DSEL: variants seen among roughly 807,000 people sequenced by gnomAD.
DSEL encodes the protein dermatan-sulfate epimerase-like protein.
A neutral mutation model predicts 96.6 loss-of-function variants in DSEL; 61 were observed. That is an observed-to-expected ratio of 0.63 (90% CI 0.51 to 0.78). DSEL has a LOEUF of 0.78. Ranked by LOEUF, DSEL falls within the 30% of genes least tolerant of loss-of-function variation. The pLI is 0.00. For synonymous variants in DSEL, 514 were observed against 502.0 expected (o/e 1.02, Z -0.32); for missense variants, 1,320 against 1,430.8 (o/e 0.92, Z 1.25).
At position 67,513,314 on chromosome 18, in the gene DSEL, A is replaced by G. The variant is rs768445147; in HGVS notation, c.1295T>C (p.Phe432Ser). The part of the protein sequence containing the change: ...AGLPNTQTNT[F>S]VSFKSGKLGG... ...CAGCTTCCCAGATTTAAAAGACACA[A>G]AGGTGTTGGTCTGTGTGTTTGGCAA... Residue 432 changes from phenylalanine to serine, a missense_variant, in exon 2 of 2, where the codon TTT (phenylalanine) becomes TCT (serine). This residue lies in a region of DSEL where 986 missense variants were observed against 1,066.4 expected (regional missense o/e 0.92). Coordinates refer to ENST00000310045, the MANE Select transcript of DSEL (RefSeq NM_032160.3). 1.2e-6 allele frequency: 2 copies of G among 1,614,192 alleles called. No homozygotes were observed. Among genetic ancestry groups the G allele is most frequent in the Non-Finnish European group, 1.7e-6 (2 of 1,180,036 alleles).
rs549504697 is a variant in DSEL at position 67,506,800 on chromosome 18, C to G, written c.*4170G>C. On this transcript the variant is annotated 3_prime_UTR_variant, in exon 2 of 2. Coordinates refer to ENST00000310045, the MANE Select transcript of DSEL (RefSeq NM_032160.3). ...ATTAAACATGTATGTGTTACTTAGA[C>G]TAAATATAAATAACCCATATAAATG... 3 of 152,176 alleles carry G rather than the reference C, an allele frequency of 2.0e-5. No homozygotes were observed. In the South Asian group the frequency reaches 6.2e-4, roughly 32 times the overall value. The allele number at this position is 152,176 out of a possible 1,614,324, so 9.4% of individuals were successfully genotyped here.
rs2089456316 is a variant in DSEL, at chr18:67,513,456, G to A, written c.1153C>T (p.Leu385Phe). ...TCATACCAGATGTATTCAGTGTGAA[G>A]AGTACTCCACCTTTGGGCAGTTGAA... ...VPSTAQRWST[L>F]HTEYIWYDPQ... The change falls in exon 2 of 2, where the codon CTT becomes TTT. Residue 385 changes from leucine to phenylalanine, a missense_variant. Physicochemically the swap from Leu to Phe is conservative, Grantham distance 22. Coordinates refer to ENST00000310045, the MANE Select transcript of DSEL (RefSeq NM_032160.3). 1 of 1,614,164 alleles carries A rather than the reference G, an allele frequency of 6.2e-7. No individual in the cohort carries two copies. Among genetic ancestry groups the A allele is most frequent in the Non-Finnish European group, 8.5e-7 (1 of 1,180,046 alleles).
At position 67,509,750 on chromosome 18, in the gene DSEL, A is replaced by G. The variant is rs990933362; in HGVS notation, c.*1220T>C. Reference sequence around the variant, plus strand: ...ACTGCCTTATGTTTTCATCCAATACATTGTAATTACTCCACTGGCTTATAA... The same window carrying G: ...ACTGCCTTATGTTTTCATCCAATACGTTGTAATTACTCCACTGGCTTATAA... On this transcript the variant is annotated 3_prime_UTR_variant, in exon 2 of 2. Transcript: ENST00000310045. 6.6e-6 allele frequency: 1 copy of G among 152,590 alleles called. No homozygotes were observed. The highest frequency in any genetic ancestry group is 2.4e-5 in the African/African-American group (1 of 41,436). The allele number at this position is 152,590 out of a possible 1,614,324, so 9.5% of individuals were successfully genotyped here.
rs2089461952 is a variant in DSEL, at chr18:67,514,207, T to C, written c.402A>G (p.Leu134=). 1 of 1,614,100 alleles carries C rather than the reference T, an allele frequency of 6.2e-7. No individual in the cohort carries two copies. Among genetic ancestry groups the C allele is most frequent in the African/African-American group, 1.3e-5 (1 of 74,930 alleles). The stretch of plus-strand genomic sequence containing the variant: ...CAAAGGCAACTTTGTCTTCTGGGCA[T>C]AACAAACAGTACAATGCTAAAGGAG... ...NLPPLALYCL[L]CPEDKVAFEF... is the part of the protein sequence containing the mutation. The change falls in exon 2 of 2, where the codon TTA becomes TTG. Residue 134 remains leucine, a synonymous_variant. Coordinates refer to ENST00000310045, the MANE Select transcript of DSEL (RefSeq NM_032160.3).
chr18:67,511,054 G>C lies in DSEL; in HGVS notation c.3555C>G (p.Asn1185Lys), dbSNP rs1262343435. ...SPTNTNVWKQ[N>K]LPRDEIKLIE... ...TTAGTTTAATTTCATCTCTAGGCAA[G>C]TTCTGTTTCCAAACATTAGTATTAG... Residue 1185 changes from asparagine to lysine, a missense_variant, in exon 2 of 2, where the codon AAC becomes AAG. By Grantham distance (94) the Asn-to-Lys change is moderately conservative. Coordinates refer to ENST00000310045, the MANE Select transcript of DSEL (RefSeq NM_032160.3). 38 of 1,613,720 alleles carry C rather than the reference G, an allele frequency of 2.4e-5. No homozygotes were observed. The highest frequency in any genetic ancestry group is 3.1e-5 in the Non-Finnish European group (37 of 1,179,956).
chr18:67,514,591 T>C lies in DSEL; in HGVS notation c.18A>G (p.Thr6=), dbSNP rs746091556. The stretch of plus-strand genomic sequence containing the variant: ...ATAATGCTAAGAATAGTAAATGTCC[T>C]GTAAACATTAACGCCATGATCCATG... MALMF[T]GHLLFLALLM... The change falls in exon 2 of 2, where the codon ACA becomes ACG. Residue 6 remains threonine, a synonymous_variant. Coordinates refer to ENST00000310045, the MANE Select transcript of DSEL (RefSeq NM_032160.3). 4 of 1,614,100 alleles carry C rather than the reference T, an allele frequency of 2.5e-6. No homozygotes were observed. In the Admixed American group the frequency reaches 6.7e-5, roughly 27 times the overall value.
At position 67,507,401 on chromosome 18, in the gene DSEL, T is replaced by C. The variant is rs1205336141; in HGVS notation, c.*3569A>G. On this transcript the variant is annotated 3_prime_UTR_variant, in exon 2 of 2. Transcript: ENST00000310045. ...TGTTAGGTATCCTTACCTTTGGAAG[T>C]GGTGTTATACTGCATTCTATTTATG... 7.1e-6 allele frequency: 1 copy of C among 141,738 alleles called. No individual in the cohort carries two copies. Among genetic ancestry groups the C allele is most frequent in the African/African-American group, 2.6e-5 (1 of 38,204 alleles). The allele number at this position is 141,738 out of a possible 1,614,324, so 8.8% of individuals were successfully genotyped here.
At position 67,512,991 on chromosome 18, in the gene DSEL, T is replaced by C. The variant is rs2089452919; in HGVS notation, c.1618A>G (p.Ile540Val). 2 of 1,614,070 alleles carry C rather than the reference T, an allele frequency of 1.2e-6. No homozygotes were observed. Among genetic ancestry groups the C allele is most frequent in the African/African-American group, 1.3e-5 (1 of 74,918 alleles). ...TCCCCATGTTGAGAGGCAGTGATTA[T>C]TTCCCCAGCTGCATCACCAACCTCC... ...GEEVGDAAGEIITASQHGEMV... is the reference protein window; with the variant it reads ...GEEVGDAAGEVITASQHGEMV... The change falls in exon 2 of 2, where the codon ATA becomes GTA. Residue 540 changes from isoleucine to valine, a missense_variant. This residue lies in a region of DSEL where 986 missense variants were observed against 1,066.4 expected (regional missense o/e 0.92). Transcript: ENST00000310045.
Position 67,509,064 on chromosome 18 carries a change from C to T in DSEL, c.*1906G>A. The T allele has an allele frequency of 6.6e-6, 1 of 152,170 alleles. No individual in the cohort carries two copies. Among genetic ancestry groups the T allele is most frequent in the East Asian group, 1.9e-4 (1 of 5,184 alleles). The allele number at this position is 152,170 out of a possible 1,614,324, so 9.4% of individuals were successfully genotyped here. On this transcript the variant is annotated 3_prime_UTR_variant, in exon 2 of 2. Coordinates refer to ENST00000310045, the MANE Select transcript of DSEL (RefSeq NM_032160.3). ...CAGGTACATTTCTGTATTGTCTGTA[C>T]AATGTTAAAATAAAGGGAACAGTAG...
rs774188376 is a variant in DSEL, at chr18:67,512,531, C to A, written c.2078G>T (p.Arg693Ile). The A allele has an allele frequency of 1.2e-6, 2 of 1,614,132 alleles. No homozygotes were observed. The highest frequency in any genetic ancestry group is 2.2e-5 in the South Asian group (2 of 91,068). The change falls in exon 2 of 2, where the codon AGA becomes ATA. Residue 693 changes from arginine to isoleucine, a missense_variant. Arg to Ile is a moderately conservative substitution (Grantham distance 97, BLOSUM62 -3). Coordinates refer to ENST00000310045, the MANE Select transcript of DSEL (RefSeq NM_032160.3). ...TCCAGGATTGGAACTATCAATAAAT[C>A]TGCAGCTGGAGACATTGATATATGG... ...YGPYINVSSC[R>I]FIDSSNPGLQ...
Position 67,514,471 on chromosome 18 carries a change from T to C in DSEL, c.138A>G (p.Lys46=). ...TDDIDQFKTQ[K]VQDFRPNQKL... Reference sequence around the variant, plus strand: ...TTTGGTTGGGTCTGAAATCTTGCACTTTCTGTGTTTTAAACTGATCTATAT... The same window carrying C: ...TTTGGTTGGGTCTGAAATCTTGCACCTTCTGTGTTTTAAACTGATCTATAT... Residue 46 remains lysine, a synonymous_variant, in exon 2 of 2, where the codon AAA becomes AAG. Transcript: ENST00000310045. 6.2e-7 allele frequency: 1 copy of C among 1,614,174 alleles called. No homozygotes were observed. The highest frequency in any genetic ancestry group is 1.1e-5 in the South Asian group (1 of 91,078).
chr18:67,512,080 C>T lies in DSEL; in HGVS notation c.2529G>A (p.Leu843=). 6.2e-7 allele frequency: 1 copy of T among 1,614,148 alleles called. No individual in the cohort carries two copies. ...GATCCATGTGGTGCCCTTCAGAAGA[C>T]AAAGACTTCTTGCTTCCCTCAGCCT... is the stretch of plus-strand genomic sequence containing the variant. ...RTEAEGSKKS[L]SSEGHHMDLP... is the part of the protein sequence containing the mutation. The change falls in exon 2 of 2, where the codon TTG becomes TTA. Residue 843 remains leucine, a synonymous_variant. Transcript: ENST00000310045.
chr18:67,512,291 T>A lies in DSEL; in HGVS notation c.2318A>T (p.Asn773Ile). 3 of 1,614,162 alleles carry A rather than the reference T, an allele frequency of 1.9e-6. No homozygotes were observed. Among genetic ancestry groups the A allele is most frequent in the Non-Finnish European group, 2.5e-6 (3 of 1,180,022 alleles). Residue 773 changes from asparagine (N) to isoleucine (I), a missense_variant, in exon 2 of 2, where the codon AAT becomes ATT. Asn to Ile is a moderately radical substitution (Grantham distance 149, BLOSUM62 -3). Coordinates refer to ENST00000310045, the MANE Select transcript of DSEL (RefSeq NM_032160.3). ...RIIFPFGFKF[N>I]IAVGLILCIS... is the part of the protein sequence containing the mutation. ...GCACAAAATTAATCCAACTGCTATATTAAATTTAAATCCAAAGGGGAAAAT... is the reference window on the plus strand; with the variant it reads ...GCACAAAATTAATCCAACTGCTATAATAAATTTAAATCCAAAGGGGAAAAT...
In DSEL at chr18:67,515,035, CATCACTGGTGATAAG is replaced by C. The variant is rs1423738792; in HGVS notation, c.-442_-428del. ...AAGAGTCATTTCTAGCACAGAAAAC[CATCACTGGTGATAAG>C]CTCACCACACATGTATGATGCATTT... On this transcript the variant is annotated 5_prime_UTR_variant, in exon 2 of 2. The change abolishes an upstream ATG in the 5' untranslated region. Transcript: ENST00000310045. 1 of 189,028 alleles carries C rather than the reference CATCACTGGTGATAAG, an allele frequency of 5.3e-6. No homozygotes were observed. Among genetic ancestry groups the C allele is most frequent in the African/African-American group, 2.4e-5 (1 of 42,126 alleles). 11.7% of individuals were successfully genotyped at this position (189,028 alleles called of 1,614,324 possible).
chr18:67,507,100 G>A lies in DSEL; in HGVS notation c.*3870C>T, dbSNP rs2089414345. 6.6e-6 allele frequency: 1 copy of A among 152,062 alleles called. No homozygotes were observed. The highest frequency in any genetic ancestry group is 6.6e-5 in the Admixed American group (1 of 15,260). The allele number at this position is 152,062 out of a possible 1,614,324, so 9.4% of individuals were successfully genotyped here. On this transcript the variant is annotated 3_prime_UTR_variant, in exon 2 of 2. Coordinates refer to ENST00000310045, the MANE Select transcript of DSEL (RefSeq NM_032160.3). ...GTGGTGGCTCATGCCTGTAATCCCAGCATTTTGGGAGGCCCAGGTGGGCAG... is the reference window on the plus strand; with the variant it reads ...GTGGTGGCTCATGCCTGTAATCCCAACATTTTGGGAGGCCCAGGTGGGCAG...
In DSEL at chr18:67,510,944, T is replaced by C. The variant is rs781474359; in HGVS notation, c.*26A>G. 6.5e-7 allele frequency: 1 copy of C among 1,536,142 alleles called. No individual in the cohort carries two copies. On this transcript the variant is annotated 3_prime_UTR_variant, in exon 2 of 2. Transcript: ENST00000310045. ...AAAGTGGGTTGGTAAGTATTATTAGTGCAAATTTCTGCTGACCTGCAGCAT... is the reference window on the plus strand; with the variant it reads ...AAAGTGGGTTGGTAAGTATTATTAGCGCAAATTTCTGCTGACCTGCAGCAT...
rs1201793166 is a variant in DSEL at position 67,513,208 on chromosome 18, A to G, written c.1401T>C (p.His467=). ...TAAATGAGTTCTGATCTGGATGCTC[A>G]TGTCCTGGGTTAAAACTTCTCCACC... is the stretch of plus-strand genomic sequence containing the variant. The part of the protein sequence containing the change: ...IDGWRSFNPG[H]EHPDQNSFTF... Residue 467 remains histidine, a synonymous_variant, in exon 2 of 2, where the codon CAT becomes CAC. Transcript: ENST00000310045. 1 of 1,614,190 alleles carries G rather than the reference A, an allele frequency of 6.2e-7. No individual in the cohort carries two copies. Among genetic ancestry groups the G allele is most frequent in the South Asian group, 1.1e-5 (1 of 91,082 alleles).
chr18:67,512,169 T>C lies in DSEL; in HGVS notation c.2440A>G (p.Ile814Val), dbSNP rs751900685. The change falls in exon 2 of 2, where the codon ATT becomes GTT. Residue 814 changes from isoleucine to valine, a missense_variant. By Grantham distance (29) the Ile-to-Val change is conservative. This residue lies in a region of DSEL where 986 missense variants were observed against 1,066.4 expected (regional missense o/e 0.92). Transcript: ENST00000310045. ...GTGCTCCACACATCCAAAAGCTCAA[T>C]AAACCACAAGGCAATAACAAGTATT... The part of the protein sequence containing the change: ...ILILVIALWF[I>V]ELLDVWSTCS... 1.2e-6 allele frequency: 2 copies of C among 1,614,160 alleles called. No individual in the cohort carries two copies. The highest frequency in any genetic ancestry group is 8.5e-7 in the Non-Finnish European group (1 of 1,180,040).
rs1349462435 is a variant in DSEL, at chr18:67,512,366, A to G, written c.2243T>C (p.Phe748Ser). The change falls in exon 2 of 2, where the codon TTT becomes TCT. Residue 748 changes from phenylalanine (F) to serine (S), a missense_variant. Transcript: ENST00000310045. ...TACTATTGCTTGAGTGCCCAAACCAAATCGGGTTATTTGGCCTTGATCAGC... is the reference window on the plus strand; with the variant it reads ...TACTATTGCTTGAGTGCCCAAACCAGATCGGGTTATTTGGCCTTGATCAGC... ...SVADQGQITR[F>S]GLGTQAIVKP... 1 of 1,614,152 alleles carries G rather than the reference A, an allele frequency of 6.2e-7. No individual in the cohort carries two copies. The highest frequency in any genetic ancestry group is 8.5e-7 in the Non-Finnish European group (1 of 1,180,032).
Sources: allele counts gnomAD v4.1 joint callset, GRCh38; gene constraint gnomAD v4.1.1; regional missense constraint gnomAD v4.1.1; transcripts MANE v1.5; gene names NCBI Gene and HGNC (gene_info 2026-07-23, HGNC 2026-07-21).